NPEPPS: variants seen among roughly 807,000 people sequenced by gnomAD.
NPEPPS encodes aminopeptidase puromycin sensitive, also known as puromycin-sensitive aminopeptidase.
Under a neutral mutation model 115.5 loss-of-function variants are expected in NPEPPS, and 14 were observed. That is an observed-to-expected ratio of 0.12 (90% CI 0.08 to 0.19). The LOEUF is 0.19. Among genes scored for constraint, NPEPPS ranks in the 10% least tolerant of loss-of-function variants. The probability of loss-of-function intolerance (pLI) is 1.00; values close to 1 mark genes in which losing one functional copy is unlikely to be tolerated. For missense variants in NPEPPS, 523 were observed against 1,110.8 expected, an observed-to-expected ratio of 0.47 and a Z score of 7.52; for synonymous variants, 285 against 390.6, an observed-to-expected ratio of 0.73 and a Z score of 3.19.
intron 3 of NPEPPS, among the ~76,000 whole-genome samples, chr17:47,576,555 T>G (rs8081717): frequency 7.2e-5 from 11 of 151,950 alleles, no homozygotes; most frequent in Admixed American, 7.2e-4. Flanking sequence ...GTATAAATTA[T>G]TCTCTTTATT....
intron 1 of NPEPPS, among the ~76,000 whole-genome samples, chr17:47,542,487 G>A (rs552404466): frequency 3.6e-4 from 54 of 150,796 alleles, no homozygotes; most frequent in African/African-American, 1.2e-3. Flanking sequence ...CGGAGGTTGC[G>A]GTGAGCCGAG....
chr17:47,602,445 C>T (rs1195644487), intron 15 of NPEPPS, among the ~76,000 whole-genome samples: 2 of 151,498 alleles, frequency 1.3e-5, no homozygotes, highest in Non-Finnish European at 2.9e-5. Flanking sequence ...ACAGCCTGAC[C>T]AACATGGTGA....
intron 2 of NPEPPS, among the ~76,000 whole-genome samples, chr17:47,551,244 G>A (rs1317720159): frequency 6.6e-6 from 1 of 151,830 alleles, no homozygotes; most frequent in Non-Finnish European, 1.5e-5. Context: ...TTTGATTATT[G>A]TGAAACTTCA....
chr17:47,599,451 T>A (rs1468585266), intron 13 of NPEPPS, among the ~76,000 whole-genome samples: 1 of 152,278 alleles, frequency 6.6e-6, no homozygotes, highest in Non-Finnish European at 1.5e-5. Context: ...AAGTATTTTG[T>A]AAACACATGT....
chr17:47,599,607 T>G, intron 13 of NPEPPS, 69 bp from the exon 14 acceptor site: 1 of 1,257,232 alleles, frequency 8.0e-7, no homozygotes. Flanking sequence ...GTCTCCCTCC[T>G]CTTCAAAAAC....
chr17:47,574,642 G>C (rs1212476587), intron 3 of NPEPPS, among the ~76,000 whole-genome samples: 1 of 152,116 alleles, frequency 6.6e-6, no homozygotes, highest in Non-Finnish European at 1.5e-5. Flanking sequence ...CCAGGCTGGA[G>C]TATAGTGGTG....
chr17:47,606,802 G>A (rs937320370), intron 17 of NPEPPS, among the ~76,000 whole-genome samples: 2 of 151,406 alleles, frequency 1.3e-5, no homozygotes, highest in African/African-American at 4.9e-5. Flanking sequence ...TGGTGAAACA[G>A]CAGCAACCCA....
chr17:47,586,001 T>TA (rs1912152886), intron 6 of NPEPPS, 147 bp from the exon 7 acceptor site: 1 of 753,244 alleles, frequency 1.3e-6, no homozygotes, highest in African/African-American at 1.8e-5. Context: ...AGTTTGGAGC[T>TA]AAGGCAGTCT....
chr17:47,597,817 T>C (rs944942586), intron 13 of NPEPPS, among the ~76,000 whole-genome samples: 1 of 152,270 alleles, frequency 6.6e-6, no homozygotes, highest in African/African-American at 2.4e-5. Flanking sequence ...TTTTCACGTG[T>C]AAGCTTGCAG....
chr17:47,586,655 T>C (rs1567859200), intron 8 of NPEPPS: 1 of 562,298 alleles, frequency 1.8e-6, no homozygotes, highest in Non-Finnish European at 3.4e-6. Context: ...AAGTTTCTCA[T>C]TGCAGTAGTT....
chr17:47,587,706 T>C (rs549758836), intron 9 of NPEPPS, among the ~76,000 whole-genome samples: 1 of 152,368 alleles, frequency 6.6e-6, no homozygotes, highest in Admixed American at 6.5e-5. Context: ...TTTGTTAATC[T>C]GATTCACAGC....
intron 2 of NPEPPS, among the ~76,000 whole-genome samples, chr17:47,561,823 A>T (rs1227763602): frequency 1.3e-5 from 2 of 152,240 alleles, no homozygotes; most frequent in African/African-American, 4.8e-5. Context: ...TGTACTTGGG[A>T]GGAAAGAAGT....
intron 3 of NPEPPS, 136 bp downstream of exon 3, chr17:47,569,630 T>C (rs1911071735): frequency 8.7e-6 from 5 of 577,738 alleles, no homozygotes; most frequent in East Asian, 6.2e-5. Flanking sequence ...TTTTTTTTTT[T>C]CCTTTGAGAC....
intron 19 of NPEPPS, among the ~76,000 whole-genome samples, chr17:47,617,587 A>G (rs1481672253): frequency 7.0e-6 from 1 of 142,344 alleles, no homozygotes; most frequent in Non-Finnish European, 1.5e-5. Flanking sequence ...TTCTTAAAAT[A>G]TAACTTTCAA....
intron 19 of NPEPPS, among the ~76,000 whole-genome samples, chr17:47,614,423 A>C (rs1914067118): frequency 6.6e-6 from 1 of 152,212 alleles, no homozygotes; most frequent in African/African-American, 2.4e-5. Context: ...TTTTGTGCTT[A>C]GAAAAGGGAT....
intron 1 of NPEPPS, among the ~76,000 whole-genome samples, chr17:47,531,876 C>T (rs1003752613): frequency 1.3e-5 from 2 of 152,184 alleles, no homozygotes; most frequent in African/African-American, 4.8e-5. Context: ...TTCCCCCCCG[C>T]CCCGGACCCT....
Position 47,603,961 on chromosome 17 carries a change from C to G in NPEPPS, c.1787C>G (p.Ala596Gly), listed in dbSNP as rs750310068. Residue 596 changes from alanine (A) to glycine (G), a missense_variant, in exon 16 of 23, where the codon GCC (alanine) becomes GGC (glycine). Around this residue, in one of 4 missense-constraint regions of NPEPPS, gnomAD observed 372 missense variants for 542.6 expected, o/e 0.69. Coordinates refer to ENST00000322157, the MANE Select transcript of NPEPPS (RefSeq NM_006310.4). ...VGFYRTQYSS[A>G]MLESLLPGIR... Reference sequence around the variant, plus strand: ...TTTTATCGGACCCAGTACAGCTCTGCCATGCTGGAAAGTTTATTACCAGGC... The same window carrying G: ...TTTTATCGGACCCAGTACAGCTCTGGCATGCTGGAAAGTTTATTACCAGGC... 1 of 1,613,512 alleles carries G rather than the reference C, an allele frequency of 6.2e-7. No individual in the cohort carries two copies. Among genetic ancestry groups the G allele is most frequent in the Non-Finnish European group, 8.5e-7 (1 of 1,179,610 alleles).
intron 4 of NPEPPS, chr17:47,580,325 T>G (rs952073641): frequency 6.6e-6 from 1 of 152,202 alleles, no homozygotes; most frequent in Non-Finnish European, 1.5e-5. Flanking sequence ...AATTCTGTGT[T>G]TGAATGATTC....
At chr17:47,562,909 G>T (rs979655471) in intron 2 of NPEPPS, among the ~76,000 whole-genome samples, 6 of 151,508 alleles carry the variant, frequency 4.0e-5, no homozygotes, top group Non-Finnish European at 8.8e-5. Context: ...TTAAAACGTG[G>T]TCTTTATATT....
Sources: gnomAD v4.1 joint callset for allele counts (sites outside exome capture counted in the v4.1 genomes callset) on GRCh38, gnomAD v4.1.1 for gene constraint, gnomAD v4.1.1 regional missense constraint, MANE v1.5 for transcripts, NCBI Gene and HGNC (gene_info 2026-07-23, HGNC 2026-07-21) for gene names.